Variants in GALNT13 observed in about 807,000 individuals in gnomAD.
The protein encoded by GALNT13 is UDP-GalNAc:polypeptide N-acetylgalactosaminyltransferase 13.
In GALNT13, 28 loss-of-function variants were observed where a neutral mutation model predicts 64.2. The ratio of observed to expected loss-of-function variants is 0.44; its 90% confidence interval spans 0.32 to 0.60. The LOEUF (loss-of-function observed/expected upper bound fraction) is 0.60, where lower values mean the gene tolerates loss of function less well. GALNT13 is among the 20% of genes least tolerant of loss of function. The pLI is 0.05. For synonymous variants in GALNT13, 214 were observed against 224.6 expected (o/e 0.95, Z 0.42); for missense variants, 577 against 669.8 (o/e 0.86, Z 1.53).
intron 4 of GALNT13, among the ~76,000 whole-genome samples, chr2:154,178,784 C>T (rs1685799160): frequency 6.6e-6 from 1 of 152,146 alleles, no homozygotes; most frequent in Non-Finnish European, 1.5e-5. Flanking sequence ...TCAGCCAGCT[C>T]CAGTTTCTTT....
chr2:154,039,051 C>T (rs986214498), intron 3 of GALNT13, among the ~76,000 whole-genome samples: 1 of 152,070 alleles, frequency 6.6e-6, no homozygotes, highest in Non-Finnish European at 1.5e-5. Flanking sequence ...ATCAAAACCA[C>T]AATGAGGTAT....
At chr2:153,564,774 C>T in the GALNT13 span, among the ~76,000 whole-genome samples, 7 of 152,072 alleles carry the variant, frequency 4.6e-5, no homozygotes, top group East Asian at 3.9e-4. Flanking sequence ...CTCCTTGTGT[C>T]GAAAGTCGCT....
At chr2:153,464,212 A>G in the GALNT13 span, among the ~76,000 whole-genome samples, 1 of 152,184 alleles carries the variant, frequency 6.6e-6, no homozygotes, top group South Asian at 2.1e-4. Context: ...TCAGGGCTGA[A>G]GATACAGCAG....
the GALNT13 span, among the ~76,000 whole-genome samples, chr2:153,196,899 G>T: frequency 6.6e-6 from 1 of 152,182 alleles, no homozygotes. Flanking sequence ...GCCACTGCTC[G>T]TACCTCCCCA....
chr2:153,601,196 G>A, the GALNT13 span, among the ~76,000 whole-genome samples: 2 of 150,998 alleles, frequency 1.3e-5, no homozygotes, highest in East Asian at 3.9e-4. Context: ...TTATAGCACA[G>A]TATTGGTTAG....
the GALNT13 span, among the ~76,000 whole-genome samples, chr2:153,708,010 T>G: frequency 6.6e-6 from 1 of 152,088 alleles, no homozygotes; most frequent in Admixed American, 6.6e-5. Flanking sequence ...TTTGGAACAA[T>G]GAGGAGAATG....
At chr2:153,143,225 C>T in the GALNT13 span, among the ~76,000 whole-genome samples, 1 of 152,032 alleles carries the variant, frequency 6.6e-6, no homozygotes, top group South Asian at 2.1e-4. Flanking sequence ...AAGCATAAGG[C>T]AGGTCGAATG....
the GALNT13 span, among the ~76,000 whole-genome samples, chr2:153,861,882 T>A: frequency 6.6e-6 from 1 of 152,172 alleles, no homozygotes; most frequent in Admixed American, 6.5e-5. Flanking sequence ...CCCAGCCTCC[T>A]TTCTTTAATG....
Position 154,450,806 on chromosome 2 carries a change from GT to G in GALNT13, c.*258del, listed in dbSNP as rs1284634362. Reference sequence around the variant, plus strand: ...CAGAACAACTTGTAAAACAAATTGTGTTTGCTTTAAGAAAAATGTTTATTGC... The same window carrying G: ...CAGAACAACTTGTAAAACAAATTGTGTTGCTTTAAGAAAAATGTTTATTGC... On this transcript the variant is annotated 3_prime_UTR_variant, in exon 13 of 13. Coordinates refer to ENST00000392825, the MANE Select transcript of GALNT13 (RefSeq NM_052917.4). 2 of 339,038 alleles carry G rather than the reference GT, an allele frequency of 5.9e-6. No homozygotes were observed. The highest frequency in any genetic ancestry group is 1.1e-5 in the Non-Finnish European group (2 of 187,464). The allele number at this position is 339,038 out of a possible 1,614,324, so 21.0% of individuals were successfully genotyped here.
chr2:153,763,646 T>C, the GALNT13 span, among the ~76,000 whole-genome samples: 8 of 152,276 alleles, frequency 5.3e-5, no homozygotes, highest in East Asian at 1.5e-3. Flanking sequence ...ACCCAGTCCC[T>C]CATATGTCTT....
chr2:153,980,243 C>T (rs558970929), intron 3 of GALNT13, among the ~76,000 whole-genome samples: 6 of 152,192 alleles, frequency 3.9e-5, no homozygotes, highest in South Asian at 2.1e-4. Context: ...ATTCTAAAAG[C>T]AGTGGAGCAC....
chr2:154,130,885 T>C (rs887025716), intron 3 of GALNT13, among the ~76,000 whole-genome samples: 1 of 152,206 alleles, frequency 6.6e-6, no homozygotes, highest in Non-Finnish European at 1.5e-5. Context: ...AAATGGCCCT[T>C]GTTTTACTTG....
intron 11 of GALNT13, among the ~76,000 whole-genome samples, chr2:154,414,465 C>T (rs1215612606): frequency 6.6e-6 from 1 of 151,520 alleles, no homozygotes; most frequent in Non-Finnish European, 1.5e-5. Context: ...TCCAACCACA[C>T]TTTCCAGGAT....
chr2:154,302,940 C>A (rs1163042941), intron 9 of GALNT13, among the ~76,000 whole-genome samples: 1 of 152,086 alleles, frequency 6.6e-6, no homozygotes, highest in Non-Finnish European at 1.5e-5. Flanking sequence ...GGGGAAAGGT[C>A]TAGATGCAGA....
chr2:154,118,318 A>G (rs1444537889), intron 3 of GALNT13, among the ~76,000 whole-genome samples: 1 of 134,020 alleles, frequency 7.5e-6, no homozygotes, highest in African/African-American at 2.7e-5. Flanking sequence ...CTTAAAGTCT[A>G]TTTTTTTTTT....
chr2:153,191,058 C>G, the GALNT13 span, among the ~76,000 whole-genome samples: 2 of 151,864 alleles, frequency 1.3e-5, no homozygotes, highest in East Asian at 3.9e-4. Context: ...TTTGGATGCT[C>G]TTTATTTCAT....
At chr2:153,726,247 A>G in the GALNT13 span, among the ~76,000 whole-genome samples, 430 of 152,308 alleles carry the variant, frequency 2.8e-3, 6 homozygotes, top group African/African-American at 0.01. Flanking sequence ...AATTTGAGAC[A>G]TTTGGAAAAG....
the GALNT13 span, among the ~76,000 whole-genome samples, chr2:153,773,904 C>T: frequency 1.3e-5 from 2 of 151,978 alleles, no homozygotes; most frequent in Non-Finnish European, 2.9e-5. Flanking sequence ...TAAAACTGAC[C>T]CTAATCTTAA....
At chr2:154,273,715 C>G (rs1319164132) in intron 8 of GALNT13, among the ~76,000 whole-genome samples, 2 of 152,062 alleles carry the variant, frequency 1.3e-5, no homozygotes, top group African/African-American at 4.8e-5. Context: ...TAAGCTGTAC[C>G]ATCTAGGTTT....
Sources: gnomAD v4.1 joint callset for allele counts (sites outside exome capture counted in the v4.1 genomes callset) on GRCh38, gnomAD v4.1.1 for gene constraint, MANE v1.5 for transcripts, NCBI Gene and HGNC (gene_info 2026-07-23, HGNC 2026-07-21) for gene names.